ZRANB2: variants seen among roughly 807,000 people sequenced by gnomAD.
ZRANB2 encodes the protein zinc finger Ran-binding domain-containing protein 2.
A neutral mutation model predicts 53.4 loss-of-function variants in ZRANB2; 19 were observed. The ratio of observed to expected loss-of-function variants is 0.36; its 90% confidence interval spans 0.25 to 0.52. The LOEUF (loss-of-function observed/expected upper bound fraction) is 0.52, where lower values mean the gene tolerates loss of function less well. ZRANB2 is among the 20% of genes least tolerant of loss of function. The pLI, the probability that ZRANB2 is intolerant of heterozygous loss-of-function variation, is 0.93. For missense variants in ZRANB2, 309 were observed against 401.1 expected (o/e 0.77, Z 1.96); for synonymous variants, 145 against 134.8 (o/e 1.08, Z -0.52).
Position 71,067,788 on chromosome 1 carries a change from A to G in ZRANB2, c.771-854T>C, listed in dbSNP as rs571368571. 36 of 374,122 alleles carry G rather than the reference A, an allele frequency of 9.6e-5. 1 individual carries two copies. Among genetic ancestry groups the G allele is most frequent in the South Asian group, 7.5e-4 (36 of 47,710 alleles). The allele number at this position is 374,122 out of a possible 1,614,324, so 23.2% of individuals were successfully genotyped here. On this transcript the variant is annotated intron_variant, in intron 8 of 9. Coordinates refer to ENST00000370920, the MANE Select transcript of ZRANB2 (RefSeq NM_203350.3). ...AATTATAATGGTTCCCAAAGGGAAT[A>G]CCAGAACTTAAGGATTTTTACCTAT...
chr1:71,076,646 G>C lies in ZRANB2; in HGVS notation c.301+149C>G, dbSNP rs1661716663. 19 of 652,634 alleles carry C rather than the reference G, an allele frequency of 2.9e-5. No homozygotes were observed. In the South Asian group the frequency reaches 3.2e-4, roughly 11 times the overall value. 40.4% of individuals were successfully genotyped at this position (652,634 alleles called of 1,614,324 possible). A position where few individuals can be genotyped will look rare whatever the true frequency, so the allele number is the denominator to read the frequency against. On this transcript the variant is annotated intron_variant, in intron 4 of 9. Coordinates refer to ENST00000370920, the MANE Select transcript of ZRANB2 (RefSeq NM_203350.3). Reference sequence around the variant, plus strand: ...AACAAAAGATTTGTATGTGTGTATGGGGGGAAAAAAATCCCAGTAACAAAC... The same window carrying C: ...AACAAAAGATTTGTATGTGTGTATGCGGGGAAAAAAATCCCAGTAACAAAC...
At chr1:71,079,906 C>T (rs1453011278) in intron 1 of ZRANB2, among the ~76,000 whole-genome samples, 1 of 152,152 alleles carries the variant, frequency 6.6e-6, no homozygotes, top group East Asian at 1.9e-4. Flanking sequence ...TTCAGGTCAT[C>T]TTAATATCAA....
intron 9 of ZRANB2, among the ~76,000 whole-genome samples, chr1:71,065,459 A>G (rs1661403523): frequency 6.6e-6 from 1 of 152,096 alleles, no homozygotes; most frequent in Non-Finnish European, 1.5e-5. Flanking sequence ...GTACAACAAA[A>G]GCATATAAAC....
At chr1:71,065,653 C>G in intron 9 of ZRANB2, 1 of 1,598,448 alleles carries the variant, frequency 6.3e-7, no homozygotes, top group Non-Finnish European at 8.5e-7. Context: ...ATTCATGCAG[C>G]TAGTATGAAT....
In ZRANB2 at chr1:71,071,002, A is replaced by T; in HGVS notation, c.514-6T>A. 1 of 1,548,508 alleles carries T rather than the reference A, an allele frequency of 6.5e-7. No individual in the cohort carries two copies. Among genetic ancestry groups the T allele is most frequent in the Non-Finnish European group, 8.7e-7 (1 of 1,151,670 alleles). ...GCGTCATCTTCATCCTCATCCTAAC[A>T]AAAATTCAATTATAATTAGACATTT... is the stretch of plus-strand genomic sequence containing the variant. On this transcript the variant is annotated splice_polypyrimidine_tract_variant and splice_region_variant and intron_variant, in intron 6 of 9. Transcript: ENST00000370920.
chr1:71,075,909 T>A (rs1453785209), intron 4 of ZRANB2, among the ~76,000 whole-genome samples: 1 of 114,898 alleles, frequency 8.7e-6, no homozygotes. Context: ...AAAAAAGGGG[T>A]GGGGGGGGAT....
intron 6 of ZRANB2, 152 bp downstream of exon 6, chr1:71,071,969 A>T: frequency 1.8e-6 from 2 of 1,086,452 alleles, no homozygotes; most frequent in Non-Finnish European, 2.6e-6. Flanking sequence ...AAGTACAAAT[A>T]GTACTTGGCA....
Position 71,064,956 on chromosome 1 carries a change from GA to G in ZRANB2, c.*117del. 1.7e-6 allele frequency: 1 copy of G among 582,650 alleles called. No homozygotes were observed. The highest frequency in any genetic ancestry group is 3.0e-6 in the Non-Finnish European group (1 of 331,060). The allele number at this position is 582,650 out of a possible 1,614,324, so 36.1% of individuals were successfully genotyped here. ...CAGCTGTATTGTTTTGAAAAGCAAT[GA>G]AAGGCATGCACCTCTACTAGCAGAT... is the stretch of plus-strand genomic sequence containing the variant. On this transcript the variant is annotated 3_prime_UTR_variant, in exon 10 of 10. Transcript: ENST00000370920.
Position 71,065,094 on chromosome 1 carries a change from A to T in ZRANB2, c.973T>A (p.Ser325Thr), listed in dbSNP as rs765336022. The T allele has an allele frequency of 1.6e-5, 26 of 1,611,208 alleles. No homozygotes were observed. In the African/African-American group the frequency reaches 3.1e-4, roughly 19 times the overall value. The change falls in exon 10 of 10, where the codon TCA becomes ACA. Residue 325 changes from serine to threonine, a missense_variant. Physicochemically the swap from Ser to Thr is moderately conservative, Grantham distance 58. Transcript: ENST00000370920. Reference protein sequence around the residue: ...SSGSSHSGSRSSSKKK With the variant: ...SSGSSHSGSRTSSKKK ...ATACATTATTTCTTTTTTGAACTTG[A>T]ACGGGAACCAGAATGGGATGATCCA...
intron 1 of ZRANB2, among the ~76,000 whole-genome samples, 156 bp from the exon 2 acceptor site, chr1:71,078,864 G>T (rs1661770103): frequency 6.6e-6 from 1 of 152,052 alleles, no homozygotes; most frequent in African/African-American, 2.4e-5. Context: ...CAATTTACTG[G>T]GGGAAAAATA....
At chr1:71,075,216 T>C (rs1406629730) in intron 4 of ZRANB2, among the ~76,000 whole-genome samples, 1 of 152,134 alleles carries the variant, frequency 6.6e-6, no homozygotes, top group African/African-American at 2.4e-5. Flanking sequence ...AGGTGGCTAT[T>C]TTTCCACAAA....
At chr1:71,066,956 T>C (rs763883743) in intron 8 of ZRANB2, 22 bp from the exon 9 acceptor site, 8 of 1,539,672 alleles carry the variant, frequency 5.2e-6, no homozygotes, top group South Asian at 2.6e-5. Context: ...GAGAAACAAA[T>C]CAAACATTTC....
rs1661454557 is a variant in ZRANB2, at chr1:71,066,864, G to A, written c.841C>T (p.Pro281Ser). 5 of 1,612,020 alleles carry A rather than the reference G, an allele frequency of 3.1e-6. No individual in the cohort carries two copies. Among genetic ancestry groups the A allele is most frequent in the Non-Finnish European group, 4.2e-6 (5 of 1,179,256 alleles). Residue 281 changes from proline to serine, a missense_variant, in exon 9 of 10, where the codon CCT (proline) becomes TCT (serine). Pro to Ser is a moderately conservative substitution (Grantham distance 74, BLOSUM62 -1). This residue lies in a region of ZRANB2 where 211 missense variants were observed against 196.1 expected (regional missense o/e 1.08). Coordinates refer to ENST00000370920, the MANE Select transcript of ZRANB2 (RefSeq NM_203350.3). Reference protein sequence around the residue: ...KRSYSSSSSSPERNRKRSRSR... With the variant: ...KRSYSSSSSSSERNRKRSRSR... ...CGACTTCTCTTTCTGTTCCTCTCAG[G>A]AGAAGATGATGAACTTGAATAAGAT...
chr1:71,080,715 G>A (rs55669216), intron 1 of ZRANB2, among the ~76,000 whole-genome samples: 23,180 of 151,882 alleles, frequency 0.15, 2,300 homozygotes, highest in East Asian at 0.31. Context: ...CTACCTTGCG[G>A]AGGTAATGTC....
At chr1:71,073,204 T>C (rs1661632132) in intron 4 of ZRANB2, among the ~76,000 whole-genome samples, 1 of 152,062 alleles carries the variant, frequency 6.6e-6, no homozygotes, top group Non-Finnish European at 1.5e-5. Flanking sequence ...TCACAACCAA[T>C]GTATACAATT....
At chr1:71,071,912 C>T (rs1385002288) in intron 6 of ZRANB2, among the ~76,000 whole-genome samples, 1 of 152,168 alleles carries the variant, frequency 6.6e-6, no homozygotes, top group Non-Finnish European at 1.5e-5. Flanking sequence ...TAAGAGAAAA[C>T]TGGTTCTGTT....
Position 71,066,799 on chromosome 1 carries a change from T to A in ZRANB2, c.906A>T (p.Arg302=), listed in dbSNP as rs761782769. 1.2e-6 allele frequency: 2 copies of A among 1,612,428 alleles called. No homozygotes were observed. The highest frequency in any genetic ancestry group is 4.5e-5 in the East Asian group (2 of 44,826). The change falls in exon 9 of 10, where the codon CGA becomes CGT. Residue 302 remains arginine, a synonymous_variant. Transcript: ENST00000370920. ...SSSSGDRKKR[R]TRSRSPERRH... The stretch of plus-strand genomic sequence containing the variant: ...ACCTTTCGGGTGACCGTGATCTTGT[T>A]CGTCTTTTTTTGCGATCACCAGATG...
At chr1:71,070,766 A>C in intron 7 of ZRANB2, 61 bp downstream of exon 7, 1 of 1,037,532 alleles carries the variant, frequency 9.6e-7, no homozygotes, top group Non-Finnish European at 1.3e-6. Flanking sequence ...CAAAATTTAT[A>C]AATAAAAAAG....
At chr1:71,075,938 G>A (rs1046237042) in intron 4 of ZRANB2, among the ~76,000 whole-genome samples, 2 of 151,996 alleles carry the variant, frequency 1.3e-5, no homozygotes, top group African/African-American at 2.4e-5. Flanking sequence ...AATTTCTGTT[G>A]AAGTCTGGAA....
Sources: gnomAD v4.1 joint callset for allele counts (sites outside exome capture counted in the v4.1 genomes callset) on GRCh38, gnomAD v4.1.1 for gene constraint, gnomAD v4.1.1 regional missense constraint, MANE v1.5 for transcripts, NCBI Gene and HGNC (gene_info 2026-07-23, HGNC 2026-07-21) for gene names.